The following INSC variants were observed in gnomAD, a reference collection of about 807,000 sequenced individuals.
INSC encodes protein inscuteable homolog.
A neutral mutation model predicts 58.6 loss-of-function variants in INSC; 67 were observed. That is an observed-to-expected ratio of 1.14 (90% CI 0.94 to 1.40). The LOEUF is 1.40. Among genes scored for constraint, INSC ranks in the 40% most tolerant of loss-of-function variants. The probability of loss-of-function intolerance (pLI) is 0.00; values close to 1 mark genes in which losing one functional copy is unlikely to be tolerated. For synonymous variants in INSC, 262 were observed against 276.1 expected (o/e 0.95, Z 0.51); for missense variants, 714 against 692.0 (o/e 1.03, Z -0.36).
At chr11:15,235,374 G>A (rs1048250222) in intron 9 of INSC, among the ~76,000 whole-genome samples, 5 of 152,162 alleles carry the variant, frequency 3.3e-5, no homozygotes, top group African/African-American at 1.2e-4. Flanking sequence ...CTTGGGGGCC[G>A]TCCTATAGCC....
intron 9 of INSC, among the ~76,000 whole-genome samples, chr11:15,226,106 C>A (rs1165541859): frequency 6.6e-6 from 1 of 152,004 alleles, no homozygotes; most frequent in Non-Finnish European, 1.5e-5. Context: ...AGCCTCCCTA[C>A]GAGATCTCCT....
chr11:15,245,675 C>CATCT (rs1227868959), intron 12 of INSC, among the ~76,000 whole-genome samples: 2 of 152,164 alleles, frequency 1.3e-5, no homozygotes, highest in Non-Finnish European at 2.9e-5. Flanking sequence ...TTTCAGATGA[C>CATCT]ATCTATCTTA....
intron 5 of INSC, among the ~76,000 whole-genome samples, chr11:15,185,516 G>T (rs1484817230): frequency 6.6e-6 from 1 of 151,746 alleles, no homozygotes; most frequent in Non-Finnish European, 1.5e-5. Flanking sequence ...CCTCAACCAA[G>T]AAAAGATTTT....
chr11:15,113,486 C>A (rs1397389153), upstream of INSC, among the ~76,000 whole-genome samples: 1 of 152,172 alleles, frequency 6.6e-6, no homozygotes, highest in Non-Finnish European at 1.5e-5. Context: ...ACCACCTGCC[C>A]TACCGGAAAC....
chr11:15,265,373 T>C, the INSC span, among the ~76,000 whole-genome samples: 1 of 152,072 alleles, frequency 6.6e-6, no homozygotes, highest in African/African-American at 2.4e-5. Flanking sequence ...CTGGAATAAT[T>C]TGTAAGATAG....
intron 5 of INSC, among the ~76,000 whole-genome samples, chr11:15,185,417 A>T (rs1849929413): frequency 6.6e-6 from 1 of 152,084 alleles, no homozygotes; most frequent in African/African-American, 2.4e-5. Flanking sequence ...AGATATATTT[A>T]TTTTAAAAAT....
At chr11:15,113,683 A>G (rs1847627162), upstream of INSC, among the ~76,000 whole-genome samples, 1 of 152,188 alleles carries the variant, frequency 6.6e-6, no homozygotes, top group Admixed American at 6.5e-5. Context: ...GTAGAGTTGA[A>G]GCTGGCTTGT....
At chr11:15,218,503 A>G (rs1172430682) in intron 7 of INSC, among the ~76,000 whole-genome samples, 1 of 152,188 alleles carries the variant, frequency 6.6e-6, no homozygotes, top group Non-Finnish European at 1.5e-5. Flanking sequence ...TTAGGCATAT[A>G]CATCTAAACA....
chr11:15,131,743 A>G (rs927512619), intron 1 of INSC, among the ~76,000 whole-genome samples: 2 of 152,164 alleles, frequency 1.3e-5, no homozygotes, highest in Non-Finnish European at 2.9e-5. Context: ...GTTTTGTATT[A>G]TATAAATACA....
rs1474360267 is a variant in INSC at position 15,221,511 on chromosome 11, C to T, written c.854C>T (p.Thr285Ile). The T allele has an allele frequency of 8.1e-6, 13 of 1,613,178 alleles. No homozygotes were observed. Among genetic ancestry groups the T allele is most frequent in the Non-Finnish European group, 1.1e-5 (13 of 1,179,630 alleles). Reference sequence around the variant, plus strand: ...GTTCTGTGCTTGGCCGACATCCTGACCGACAACAGCCACTCAGAGGCCACA... The same window carrying T: ...GTTCTGTGCTTGGCCGACATCCTGATCGACAACAGCCACTCAGAGGCCACA... ...DGVLCLADIL[T>I]DNSHSEATRA... Residue 285 changes from threonine (T) to isoleucine (I), a missense_variant, in exon 8 of 13, where the codon ACC becomes ATC. Coordinates refer to ENST00000379556, the MANE Select transcript of INSC (RefSeq NM_001042536.3).
intron 7 of INSC, among the ~76,000 whole-genome samples, chr11:15,210,771 T>C (rs966167123): frequency 2.6e-5 from 4 of 151,140 alleles, no homozygotes; most frequent in Non-Finnish European, 5.9e-5. Context: ...GCTTCTGGAG[T>C]GGGGCAAGTG....
the INSC span, among the ~76,000 whole-genome samples, chr11:15,252,714 C>G: frequency 7.2e-5 from 11 of 152,144 alleles, no homozygotes; most frequent in African/African-American, 2.4e-4. Context: ...GAATCTAGCC[C>G]TCATTCAAGG....
In INSC at chr11:15,150,950, T is replaced by A. The variant is rs528476970; in HGVS notation, c.56+1720T>A. ...GCTGTTTAAGCTGTCTATGCACCTG[T>A]TTTTTCTTCAACATAGTGGCAGTGA... is the stretch of plus-strand genomic sequence containing the variant. On this transcript the variant is annotated intron_variant, in intron 2 of 12. Transcript: ENST00000379556. Among the ~76,000 whole-genome samples, 265 of 152,250 alleles carry A rather than the reference T, an allele frequency of 1.7e-3. 2 individuals carry two copies. Among genetic ancestry groups the A allele is most frequent in the African/African-American group, 5.8e-3 (243 of 41,548 alleles).
intron 6 of INSC, among the ~76,000 whole-genome samples, chr11:15,197,417 G>A (rs1850412930): frequency 6.6e-6 from 1 of 152,186 alleles, no homozygotes; most frequent in East Asian, 1.9e-4. Flanking sequence ...CTGTGTTTGG[G>A]TTTCCAGTTC....
At chr11:15,225,313 C>T (rs1203031053) in intron 8 of INSC, among the ~76,000 whole-genome samples, 1 of 152,156 alleles carries the variant, frequency 6.6e-6, no homozygotes. Context: ...TTTTCTCTTG[C>T]CCACTAGTAA....
At chr11:15,243,859 G>A (rs1018975479) in intron 12 of INSC, among the ~76,000 whole-genome samples, 1 of 148,770 alleles carries the variant, frequency 6.7e-6, no homozygotes, top group Non-Finnish European at 1.5e-5. Flanking sequence ...CCCCCTAAGG[G>A]CTCTCTCTTT....
intron 1 of INSC, among the ~76,000 whole-genome samples, chr11:15,120,293 G>A (rs1220027766): frequency 6.6e-6 from 1 of 152,160 alleles, no homozygotes; most frequent in Non-Finnish European, 1.5e-5. Context: ...AGGTAAGTAG[G>A]AATATCCCGG....
At chr11:15,257,553 AC>A in the INSC span, among the ~76,000 whole-genome samples, 3 of 151,252 alleles carry the variant, frequency 2.0e-5, no homozygotes, top group South Asian at 2.1e-4. Context: ...ACTCCTAACC[AC>A]CCCCCCGCCT....
At chr11:15,262,802 C>T in the INSC span, among the ~76,000 whole-genome samples, 1 of 151,852 alleles carries the variant, frequency 6.6e-6, no homozygotes. Context: ...ACAGACAAAG[C>T]TCAAAGACAT....
Sources: gnomAD v4.1 joint callset for allele counts (sites outside exome capture counted in the v4.1 genomes callset) on GRCh38, gnomAD v4.1.1 for gene constraint, MANE v1.5 for transcripts, NCBI Gene and HGNC (gene_info 2026-07-23, HGNC 2026-07-21) for gene names.